Variants in CTNNA3 observed in about 807,000 individuals in gnomAD.
CTNNA3 encodes catenin alpha 3, also known as catenin alpha-3.
In CTNNA3, 76 loss-of-function variants were observed where a neutral mutation model predicts 95.7. The observed-to-expected ratio is 0.79, with a 90% confidence interval of 0.66 to 0.96. CTNNA3 has a LOEUF of 0.96. CTNNA3 is among the 40% of genes least tolerant of loss of function. The pLI is 0.00. For synonymous variants in CTNNA3, 431 were observed against 374.4 expected (o/e 1.15, Z -1.74); for missense variants, 1,191 against 1,089.8 (o/e 1.09, Z -1.31).
chr10:66,627,033 C>T (rs1358504654), intron 9 of CTNNA3, among the ~76,000 whole-genome samples: 1 of 151,858 alleles, frequency 6.6e-6, no homozygotes, highest in East Asian at 1.9e-4. Flanking sequence ...CAGTCTTTCC[C>T]GAAGATAAAT....
chr10:67,360,503 G>A lies in CTNNA3; in HGVS notation c.580-140633C>T, dbSNP rs76174350. On this transcript the variant is annotated intron_variant, in intron 5 of 17. Coordinates refer to ENST00000433211, the MANE Select transcript of CTNNA3 (RefSeq NM_013266.4). ...AACAGCCATAGGGGCAAAGTAAAGG[G>A]ATGGAGAAGCATCTATGTATTAGTC... Among the ~76,000 whole-genome samples the A allele has an allele frequency of 0.018, 2,685 of 151,972 alleles. 201 individuals are homozygous for A. The East Asian group carries it at 0.24, about 13-fold the overall frequency.
intron 6 of CTNNA3, among the ~76,000 whole-genome samples, chr10:67,194,249 C>G (rs1055556233): frequency 1.3e-5 from 2 of 151,990 alleles, no homozygotes; most frequent in African/African-American, 4.8e-5. Flanking sequence ...CATGTCCACA[C>G]AAAAACCTTC....
At chr10:67,442,876 T>C (rs1282654456) in intron 5 of CTNNA3, among the ~76,000 whole-genome samples, 4 of 151,354 alleles carry the variant, frequency 2.6e-5, no homozygotes, top group Non-Finnish European at 5.9e-5. Context: ...ACATGTGTCA[T>C]GCTGGTGTGC....
rs186996556 is a variant in CTNNA3, at chr10:67,464,286, C to T, written c.579+57556G>A. 4.6e-5 allele frequency among the ~76,000 whole-genome samples: 7 copies of T among 152,258 alleles called. No homozygotes were observed. The East Asian group carries it at 1.4e-3, about 29-fold the overall frequency. ...TAGCAGTCTTTCGCTCCCCTATCTT[C>T]TTCACCAATTCAAATTTTTTATATT... On this transcript the variant is annotated intron_variant, in intron 5 of 17. Transcript: ENST00000433211.
At chr10:66,120,022 A>G (rs1349269633) in intron 13 of CTNNA3, among the ~76,000 whole-genome samples, 1 of 152,306 alleles carries the variant, frequency 6.6e-6, no homozygotes. Flanking sequence ...AATATACACT[A>G]TGTAAGGCAC....
chr10:65,975,574 T>C (rs181940346), intron 16 of CTNNA3, among the ~76,000 whole-genome samples: 14 of 152,250 alleles, frequency 9.2e-5, no homozygotes, highest in African/African-American at 3.4e-4. Flanking sequence ...GATGTGAAAT[T>C]ACCTAAAACG....
At chr10:67,462,768 A>T (rs1035999360) in intron 5 of CTNNA3, among the ~76,000 whole-genome samples, 4 of 152,212 alleles carry the variant, frequency 2.6e-5, no homozygotes, top group Non-Finnish European at 5.9e-5. Flanking sequence ...ACCTGTGTTC[A>T]AATCCTAGCT....
intron 13 of CTNNA3, among the ~76,000 whole-genome samples, chr10:66,171,865 TA>T (rs909673637): frequency 1.3e-5 from 2 of 151,912 alleles, no homozygotes; most frequent in Non-Finnish European, 2.9e-5. Context: ...CAAAAAAAAT[TA>T]AAAAAAATCA....
At chr10:67,126,221 A>T (rs1401960741) in intron 7 of CTNNA3, among the ~76,000 whole-genome samples, 1 of 152,202 alleles carries the variant, frequency 6.6e-6, no homozygotes, top group Non-Finnish European at 1.5e-5. Context: ...AAGACAGATA[A>T]AATTATTTAT....
At position 65,921,945 on chromosome 10, in the gene CTNNA3, T is replaced by A. The variant is rs542579602; in HGVS notation, c.2401-1328A>T. ...ATAATTGCTAATATCTATTATATGC[T>A]GTAGTATGCAGTTGACATAAAGTAA... On this transcript the variant is annotated intron_variant, in intron 17 of 17. Coordinates refer to ENST00000433211, the MANE Select transcript of CTNNA3 (RefSeq NM_013266.4). Among the ~76,000 whole-genome samples, 531 of 152,320 alleles carry A rather than the reference T, an allele frequency of 3.5e-3. 3 individuals carry two copies. Among genetic ancestry groups the A allele is most frequent in the African/African-American group, 0.012 (486 of 41,574 alleles).
Position 67,750,761 on chromosome 10 carries a change from C to T in CTNNA3, c.-2+12673G>A. 4 of 1,602,272 alleles carry T rather than the reference C, an allele frequency of 2.5e-6. No homozygotes were observed. In the South Asian group the frequency reaches 4.4e-5, roughly 18 times the overall value. On this transcript the variant is annotated intron_variant, in intron 1 of 17. Transcript: ENST00000684154. ...GGGCTGGTGAAAGCCCTTGGGGTCT[C>T]CAATTTCAACCACTTCCAGATAGAG...
intron 6 of CTNNA3, 68 bp downstream of exon 6, chr10:67,219,539 C>T (rs1589879734): frequency 2.0e-6 from 3 of 1,472,050 alleles, no homozygotes; most frequent in Non-Finnish European, 2.7e-6. Flanking sequence ...TGTGGATCTT[C>T]TTCTGTTTTA....
At chr10:67,035,948 ACTTTTCTTG>A (rs1854023260) in intron 7 of CTNNA3, among the ~76,000 whole-genome samples, 1 of 152,170 alleles carries the variant, frequency 6.6e-6, no homozygotes, top group African/African-American at 2.4e-5. Flanking sequence ...GAACTAGACA[ACTTTTCTTG>A]CTTTTCTTTT....
chr10:66,711,940 T>C (rs1035843232), intron 9 of CTNNA3, among the ~76,000 whole-genome samples: 1 of 152,132 alleles, frequency 6.6e-6, no homozygotes, highest in Non-Finnish European at 1.5e-5. Context: ...TTTTTACTCT[T>C]TCTTTTTGCC....
At chr10:67,525,245 C>A (rs1338020747) in intron 4 of CTNNA3, among the ~76,000 whole-genome samples, 1 of 151,302 alleles carries the variant, frequency 6.6e-6, no homozygotes, top group Non-Finnish European at 1.5e-5. Context: ...CTTGGACATA[C>A]AAGATAAGAA....
At chr10:67,601,567 C>T (rs1589474868) in intron 3 of CTNNA3, among the ~76,000 whole-genome samples, 1 of 152,198 alleles carries the variant, frequency 6.6e-6, no homozygotes, top group African/African-American at 2.4e-5. Context: ...GGCTTAGAAG[C>T]AATGTCTAGA....
chr10:66,870,820 G>T (rs1844370797), intron 7 of CTNNA3, among the ~76,000 whole-genome samples: 1 of 151,992 alleles, frequency 6.6e-6, no homozygotes, highest in Non-Finnish European at 1.5e-5. Flanking sequence ...TCTTTGTAGG[G>T]CCCTTTGACC....
rs182074853 is a variant in CTNNA3 at position 67,212,243 on chromosome 10, A to G, written c.843+7364T>C. Among the ~76,000 whole-genome samples the G allele has an allele frequency of 1.2e-3, 183 of 152,118 alleles. 1 individual carries two copies. The highest frequency in any genetic ancestry group is 4.2e-3 in the African/African-American group (174 of 41,552). On this transcript the variant is annotated intron_variant, in intron 6 of 17. Transcript: ENST00000433211. ...CCAGCTTCTGAAAAACAATATGCTC[A>G]GTAGCTTTAAAGCTCCTGATGTGTG...
At position 66,506,941 on chromosome 10, in the gene CTNNA3, C is replaced by T. The variant is rs150416434; in HGVS notation, c.1531+13676G>A. On this transcript the variant is annotated intron_variant, in intron 11 of 17. Transcript: ENST00000433211. Reference sequence around the variant, plus strand: ...TTGCATAGATACATACTATATTGGTCATCTTTTATCCCAACTCCTATTAAA... The same window carrying T: ...TTGCATAGATACATACTATATTGGTTATCTTTTATCCCAACTCCTATTAAA... Among the ~76,000 whole-genome samples the T allele has an allele frequency of 2.1e-3, 313 of 152,154 alleles. 14 individuals carry two copies. The East Asian group carries it at 0.042, about 21-fold the overall frequency.
Sources: allele counts gnomAD v4.1 joint callset (sites outside exome capture counted in the v4.1 genomes callset), GRCh38; gene constraint gnomAD v4.1.1; transcripts MANE v1.5; gene names NCBI Gene and HGNC (gene_info 2026-07-23, HGNC 2026-07-21).